Variants in APBA2 observed in about 807,000 individuals in gnomAD.
APBA2 encodes amyloid-beta A4 precursor protein-binding family A member 2.
APBA2 carries 30 observed loss-of-function variants against 75.0 expected under a neutral mutation model. The ratio of observed to expected loss-of-function variants is 0.40; its 90% CI spans 0.30 to 0.54. The LOEUF (loss-of-function observed/expected upper bound fraction) is 0.54, where lower values mean the gene tolerates loss of function less well. Among genes scored for constraint, APBA2 ranks in the 20% least tolerant of loss-of-function variants. The pLI is 0.49. For missense variants in APBA2, 801 were observed against 1,016.1 expected (o/e 0.79, Z 2.88); for synonymous variants, 444 against 409.6 (o/e 1.08, Z -1.01).
intron 10 of APBA2, chr15:29,102,177 G>C (rs761611414): frequency 6.0e-6 from 2 of 331,822 alleles, no homozygotes; most frequent in Non-Finnish European, 1.1e-5. Context: ...ATGAGGCTTA[G>C]TTCTGCCTTT....
At chr15:28,929,538 T>C (rs2034452355) in intron 2 of APBA2, among the ~76,000 whole-genome samples, 1 of 152,186 alleles carries the variant, frequency 6.6e-6, no homozygotes, top group African/African-American at 2.4e-5. Flanking sequence ...CTTTGTATGG[T>C]GCTGGCGCCC....
rs141356149 is a variant in APBA2, at chr15:28,963,454, G to A, written c.-94-32299G>A. On this transcript the variant is annotated intron_variant, in intron 2 of 14. Coordinates refer to ENST00000683413, the MANE Select transcript of APBA2 (RefSeq NM_001353788.2). ...CCCACCCACCTGAAAGATGAGAAGT[G>A]GAGGACTGATGAGAACCTTCCAGAT... 1.1e-4 allele frequency among the ~76,000 whole-genome samples: 16 copies of A among 152,286 alleles called. 1 individual carries two copies. In the East Asian group the frequency reaches 3.1e-3, roughly 30 times the overall value.
chr15:29,113,078 A>G (rs1362050384), intron 13 of APBA2, among the ~76,000 whole-genome samples: 2 of 152,106 alleles, frequency 1.3e-5, no homozygotes, highest in Non-Finnish European at 2.9e-5. Flanking sequence ...GGCCTAGAGC[A>G]CATTCTGTTT....
At chr15:28,994,057 C>G (rs2038379075) in intron 2 of APBA2, among the ~76,000 whole-genome samples, 1 of 152,186 alleles carries the variant, frequency 6.6e-6, no homozygotes, top group Non-Finnish European at 1.5e-5. Context: ...CTGGACTAAC[C>G]TTTAGTTCAT....
At position 28,991,754 on chromosome 15, in the gene APBA2, C is replaced by A. The variant is rs927722026; in HGVS notation, c.-94-3999C>A. Among the ~76,000 whole-genome samples, 9 of 152,272 alleles carry A rather than the reference C, an allele frequency of 5.9e-5. No homozygotes were observed. Among genetic ancestry groups the A allele is most frequent in the African/African-American group, 2.2e-4 (9 of 41,562 alleles). The stretch of plus-strand genomic sequence containing the variant: ...CATGGTGCTCAGCACAGACCCCTTC[C>A]AACCCATCCCAGGGCCTCTGCTCAG... On this transcript the variant is annotated intron_variant, in intron 2 of 14. Coordinates refer to ENST00000683413, the MANE Select transcript of APBA2 (RefSeq NM_001353788.2). The surrounding 1 kb of genome is among the most constrained non-coding windows in gnomAD (Gnocchi z 4.7).
rs186066445 is a variant in APBA2, at chr15:28,904,082, A to G, written c.-204-17558A>G. Reference sequence around the variant, plus strand: ...TTACAGCGATTTTTGGCAAGAGAGAACACTTTTATTTAAAAAACATTATTT... The same window carrying G: ...TTACAGCGATTTTTGGCAAGAGAGAGCACTTTTATTTAAAAAACATTATTT... On this transcript the variant is annotated intron_variant, in intron 1 of 14. Coordinates refer to ENST00000683413, the MANE Select transcript of APBA2 (RefSeq NM_001353788.2). 5.3e-5 allele frequency among the ~76,000 whole-genome samples: 8 copies of G among 152,366 alleles called. No individual in the cohort carries two copies. In the East Asian group the frequency reaches 1.5e-3, roughly 29 times the overall value.
chr15:29,024,372 C>T (rs918072269), intron 3 of APBA2, among the ~76,000 whole-genome samples: 1 of 152,170 alleles, frequency 6.6e-6, no homozygotes, highest in African/African-American at 2.4e-5. Context: ...ATGGTAAACA[C>T]TCTCCAGTTG....
intron 3 of APBA2, among the ~76,000 whole-genome samples, chr15:29,033,284 A>G (rs2040575224): frequency 6.6e-6 from 1 of 152,134 alleles, no homozygotes; most frequent in Non-Finnish European, 1.5e-5. Context: ...CCTCTTCTTG[A>G]CATTCCCTTT....
chr15:29,106,599 C>G lies in APBA2; in HGVS notation c.1705-8C>G, dbSNP rs767884372. The stretch of plus-strand genomic sequence containing the variant: ...CCAGCCCCTCTCACACTGCTGATCC[C>G]TTTGCAGCTGCAGCTGGAGAAGCAC... On this transcript the variant is annotated splice_region_variant and splice_polypyrimidine_tract_variant and intron_variant, in intron 11 of 14. Transcript: ENST00000683413. 2.5e-6 allele frequency: 4 copies of G among 1,613,144 alleles called. No homozygotes were observed. The highest frequency in any genetic ancestry group is 3.4e-6 in the Non-Finnish European group (4 of 1,180,008).
intron 1 of APBA2, among the ~76,000 whole-genome samples, chr15:28,915,404 TTC>T (rs2033644147): frequency 1.7e-5 from 2 of 115,298 alleles, no homozygotes; most frequent in South Asian, 3.0e-4. Flanking sequence ...ACACCACACA[TTC>T]ACCCTATACA....
intron 1 of APBA2, among the ~76,000 whole-genome samples, chr15:28,904,164 G>A (rs916013181): frequency 7.2e-5 from 11 of 152,120 alleles, no homozygotes; most frequent in Non-Finnish European, 4.4e-5. Flanking sequence ...AGCAGAAAGC[G>A]AAAGGAGGAA....
chr15:28,967,305 G>A (rs979138794), intron 2 of APBA2, among the ~76,000 whole-genome samples: 1 of 152,142 alleles, frequency 6.6e-6, no homozygotes. Context: ...TAATAAAATT[G>A]TAAGTCTGGC....
rs1469057702 is a variant in APBA2, at chr15:28,990,480, A to G, written c.-94-5273A>G. ...TTAAGTGAGCCTCAGATAACTTTAC[A>G]TAAAAGCAAATGTGTAAAAAGCGAT... On this transcript the variant is annotated intron_variant, in intron 2 of 14. Transcript: ENST00000683413. 4 of 152,196 alleles carry G rather than the reference A, an allele frequency of 2.6e-5. No homozygotes were observed. In the East Asian group the frequency reaches 5.8e-4, roughly 22 times the overall value. 9.4% of individuals were successfully genotyped at this position (152,196 alleles called of 1,614,324 possible).
chr15:29,111,154 C>T (rs1265298113), intron 13 of APBA2, among the ~76,000 whole-genome samples: 1 of 151,974 alleles, frequency 6.6e-6, no homozygotes, highest in Non-Finnish European at 1.5e-5. Flanking sequence ...CCACCCACGG[C>T]TCGGTGTCTC....
At chr15:28,907,354 G>A (rs762273296) in intron 1 of APBA2, among the ~76,000 whole-genome samples, 16 of 152,126 alleles carry the variant, frequency 1.1e-4, no homozygotes, top group Non-Finnish European at 1.3e-4. Flanking sequence ...TTCTTGTGCC[G>A]ATATCTACCG....
At position 29,116,972 on chromosome 15, in the gene APBA2, C is replaced by G. The variant is rs995769245; in HGVS notation, c.2179-90C>G. On this transcript the variant is annotated intron_variant, in intron 14 of 14. Transcript: ENST00000683413. ...GGAGATGGGCATTTGAAGCAGAACT[C>G]TGGGGGGTTTGCCTCTGTCCTTTGC... The G allele has an allele frequency of 5.8e-6, 8 of 1,386,582 alleles. No homozygotes were observed. In the African/African-American group the frequency reaches 7.1e-5, roughly 12 times the overall value. 85.9% of individuals were successfully genotyped at this position (1,386,582 alleles called of 1,614,324 possible).
At chr15:29,086,364 A>T (rs1026345121) in intron 6 of APBA2, among the ~76,000 whole-genome samples, 4 of 152,362 alleles carry the variant, frequency 2.6e-5, no homozygotes, top group Admixed American at 2.6e-4. Context: ...AAACTCTCAG[A>T]TAATCCACGG....
intron 2 of APBA2, among the ~76,000 whole-genome samples, chr15:28,980,690 T>G (rs1484328925): frequency 6.6e-6 from 1 of 152,186 alleles, no homozygotes; most frequent in Non-Finnish European, 1.5e-5. Context: ...TAGAAAAAAC[T>G]ATTCCAAAAT....
chr15:28,966,925 A>C (rs2036769811), intron 2 of APBA2, among the ~76,000 whole-genome samples: 1 of 152,140 alleles, frequency 6.6e-6, no homozygotes, highest in South Asian at 2.1e-4. Flanking sequence ...CTACTTTTTA[A>C]ATATAATTGT....
Sources: allele counts gnomAD v4.1 joint callset (sites outside exome capture counted in the v4.1 genomes callset), GRCh38; gene constraint gnomAD v4.1.1; non-coding constraint Gnocchi (gnomAD v3.1); transcripts MANE v1.5; gene names NCBI Gene and HGNC (gene_info 2026-07-23, HGNC 2026-07-21).